C2CD3: variants seen among roughly 807,000 people sequenced by gnomAD.
The protein encoded by C2CD3 is C2 domain containing 3 centriole elongation regulator.
C2CD3 carries 148 observed loss-of-function variants against 234.0 expected under a neutral mutation model. The ratio of observed to expected loss-of-function variants is 0.63; its 90% CI spans 0.55 to 0.72. The LOEUF (loss-of-function observed/expected upper bound fraction) is 0.72. C2CD3 is among the 30% of genes least tolerant of loss of function. The pLI, the probability that C2CD3 is intolerant of heterozygous loss-of-function variation, is 0.00. For missense variants in C2CD3, 2,577 were observed against 2,811.5 expected (o/e 0.92, Z 1.89); for synonymous variants, 1,000 against 1,035.4 (o/e 0.97, Z 0.66).
intron 22 of C2CD3, 51 bp from the exon 23 acceptor site, chr11:74,078,768 A>C (rs746869485): frequency 6.6e-7 from 1 of 1,505,576 alleles, no homozygotes; most frequent in South Asian, 1.3e-5. Flanking sequence ...AGTAAACAAA[A>C]AACAAGTTAC....
intron 30 of C2CD3, among the ~76,000 whole-genome samples, chr11:74,035,802 C>G (rs1253892618): frequency 6.6e-6 from 1 of 151,744 alleles, no homozygotes; most frequent in Non-Finnish European, 1.5e-5. Context: ...CAGTTGTCTG[C>G]TTGCTGAGAA....
At chr11:74,055,287 G>C (rs2135436948) in intron 25 of C2CD3, among the ~76,000 whole-genome samples, 1 of 152,224 alleles carries the variant, frequency 6.6e-6, no homozygotes, top group African/African-American at 2.4e-5. Context: ...ACCATGCAGA[G>C]GCAAGGCAAC....
At position 74,028,294 on chromosome 11, in the gene C2CD3, G is replaced by A. The variant is rs970781465; in HGVS notation, c.6914C>T (p.Thr2305Ile). The change falls in exon 32 of 33, where the codon ACA becomes ATA. Residue 2305 changes from threonine to isoleucine, a missense_variant. Thr to Ile is a moderately conservative substitution (Grantham distance 89). Transcript: ENST00000334126. ...LSATLPPAATTDQDKSEATRG... is the reference protein window; with the variant it reads ...LSATLPPAATIDQDKSEATRG... ...AGTTGGCCATTCTCTTACCTGATCT[G>A]TTGTGGCTGCTGGTGGCAAAGTTGC... 6.5e-7 allele frequency: 1 copy of A among 1,535,066 alleles called. No homozygotes were observed. The highest frequency in any genetic ancestry group is 8.7e-7 in the Non-Finnish European group (1 of 1,145,888).
At chr11:74,022,116 T>C (rs11235977) in intron 32 of C2CD3, among the ~76,000 whole-genome samples, 61,576 of 151,392 alleles carry the variant, frequency 0.41, 14,208 homozygotes, top group African/African-American at 0.64. Context: ...AGAGTGAGAT[T>C]CCGTCTCGGG....
At chr11:74,098,750 C>T (rs555771635) in intron 15 of C2CD3, among the ~76,000 whole-genome samples, 42 of 152,158 alleles carry the variant, frequency 2.8e-4, no homozygotes, top group African/African-American at 9.2e-4. Context: ...TGAGAAAAGC[C>T]AAATTTAAAG....
intron 9 of C2CD3, among the ~76,000 whole-genome samples, chr11:74,117,768 T>C (rs1211994632): frequency 6.6e-6 from 1 of 151,638 alleles, no homozygotes; most frequent in African/African-American, 2.4e-5. Context: ...ACAAAATTAG[T>C]CGGGCATGGG....
At chr11:74,048,414 T>C in intron 27 of C2CD3, 76 bp from the exon 28 acceptor site, 1 of 1,479,640 alleles carries the variant, frequency 6.8e-7, no homozygotes, top group South Asian at 1.3e-5. Flanking sequence ...TAAATAAGTT[T>C]GTAAAATTTA....
At chr11:74,021,585 C>T (rs1952085211) in intron 32 of C2CD3, among the ~76,000 whole-genome samples, 1 of 152,086 alleles carries the variant, frequency 6.6e-6, no homozygotes, top group African/African-American at 2.4e-5. Context: ...AGAAGTGATG[C>T]CTTAGAAATA....
chr11:74,047,088 A>C (rs773254813), intron 28 of C2CD3, among the ~76,000 whole-genome samples: 1 of 152,232 alleles, frequency 6.6e-6, no homozygotes, highest in Non-Finnish European at 1.5e-5. Flanking sequence ...TGTAACTAGT[A>C]AGTGGTAAAG....
At chr11:74,102,928 T>C (rs371334160) in intron 14 of C2CD3, among the ~76,000 whole-genome samples, 2 of 152,274 alleles carry the variant, frequency 1.3e-5, no homozygotes, top group Middle Eastern at 3.4e-3. Flanking sequence ...TCAGACAGAA[T>C]AGAAATAAAG....
intron 5 of C2CD3, among the ~76,000 whole-genome samples, chr11:74,137,567 T>A (rs1565335836): frequency 6.7e-6 from 1 of 149,564 alleles, no homozygotes; most frequent in Non-Finnish European, 1.5e-5. Flanking sequence ...TTTTGGAATT[T>A]TATATATATA....
chr11:74,039,702 G>A (rs991195118), intron 29 of C2CD3, among the ~76,000 whole-genome samples: 1 of 152,134 alleles, frequency 6.6e-6, no homozygotes, highest in Non-Finnish European at 1.5e-5. Context: ...GTGGGAGAGG[G>A]GTGCTACTGG....
intron 3 of C2CD3, among the ~76,000 whole-genome samples, chr11:74,146,547 T>A (rs1855198549): frequency 6.6e-6 from 1 of 152,264 alleles, no homozygotes; most frequent in South Asian, 2.1e-4. Flanking sequence ...TTTTGAAAAC[T>A]TTATTAAAGA....
intron 23 of C2CD3, among the ~76,000 whole-genome samples, chr11:74,075,022 T>G (rs569288735): frequency 6.6e-6 from 1 of 152,248 alleles, no homozygotes; most frequent in South Asian, 2.1e-4. Flanking sequence ...AGGTTGAGGA[T>G]GCAGTGAGCC....
At chr11:74,052,689 A>T (rs533257603) in intron 26 of C2CD3, among the ~76,000 whole-genome samples, 1 of 152,356 alleles carries the variant, frequency 6.6e-6, no homozygotes, top group Non-Finnish European at 1.5e-5. Context: ...TGCTGTATTT[A>T]TGAGGTTGGG....
Position 74,034,014 on chromosome 11 carries a change from C to T in C2CD3, c.6146G>A (p.Ser2049Asn), listed in dbSNP as rs1420641073. Residue 2049 changes from serine (S) to asparagine (N), a missense_variant, in exon 31 of 33, where the codon AGC becomes AAC. Ser to Asn is a conservative substitution (Grantham distance 46, BLOSUM62 1). Coordinates refer to ENST00000334126, the MANE Select transcript of C2CD3 (RefSeq NM_001286577.2). ...RHAVPITRMQ[S>N]SEDTEAGPAY... ...TGGGCCTGCCTCAGTGTCTTCACTG[C>T]TCTGCATCCTTGTAATGGGTACTGC... 6.5e-7 allele frequency: 1 copy of T among 1,536,518 alleles called. No individual in the cohort carries two copies. Among genetic ancestry groups the T allele is most frequent in the East Asian group, 2.4e-5 (1 of 40,924 alleles).
intron 32 of C2CD3, among the ~76,000 whole-genome samples, chr11:74,019,085 G>C (rs1217403838): frequency 6.6e-6 from 1 of 152,052 alleles, no homozygotes; most frequent in African/African-American, 2.4e-5. Context: ...ACAGGGCCTG[G>C]TTCAAAAGAT....
chr11:74,024,442 T>A (rs1405958493), intron 32 of C2CD3, among the ~76,000 whole-genome samples: 1 of 152,182 alleles, frequency 6.6e-6, no homozygotes, highest in Non-Finnish European at 1.5e-5. Flanking sequence ...GAAATCAGGA[T>A]GTGAAGAAGA....
chr11:74,100,210 A>C (rs1396023375), intron 15 of C2CD3, among the ~76,000 whole-genome samples: 1 of 152,234 alleles, frequency 6.6e-6, no homozygotes, highest in Non-Finnish European at 1.5e-5. Context: ...GTATGTGACA[A>C]GTAATTTAAC....
Sources: allele counts gnomAD v4.1 joint callset (sites outside exome capture counted in the v4.1 genomes callset), GRCh38; gene constraint gnomAD v4.1.1; transcripts MANE v1.5; gene names NCBI Gene and HGNC (gene_info 2026-07-23, HGNC 2026-07-21).